Variants in CEP350 observed in about 807,000 individuals in gnomAD.
CEP350 encodes centrosome-associated protein 350.
In CEP350, 126 loss-of-function variants were observed where a neutral mutation model predicts 331.8. The ratio of observed to expected loss-of-function variants is 0.38; its 90% CI spans 0.33 to 0.44. The LOEUF is 0.44. CEP350 is among the 20% of genes least tolerant of loss of function. CEP350 has a pLI of 1.00. For synonymous variants in CEP350, 1,200 were observed against 1,259.5 expected, an observed-to-expected ratio of 0.95 and a Z score of 1.00; for missense variants, 3,406 against 3,634.6, an observed-to-expected ratio of 0.94 and a Z score of 1.62.
chr1:179,957,834 A>G (rs1650289870), intron 1 of CEP350, among the ~76,000 whole-genome samples: 1 of 152,240 alleles, frequency 6.6e-6, no homozygotes, highest in African/African-American at 2.4e-5. Flanking sequence ...TAATTTAAAG[A>G]AAATATAAAC....
At chr1:180,001,568 G>T (rs192743795) in intron 6 of CEP350, among the ~76,000 whole-genome samples, 129 of 152,116 alleles carry the variant, frequency 8.5e-4, no homozygotes, top group Admixed American at 8.4e-3. Context: ...CAAAGAGTAG[G>T]GATAAATTTG....
chr1:179,986,829 C>G (rs1449620481), intron 2 of CEP350, among the ~76,000 whole-genome samples: 1 of 152,092 alleles, frequency 6.6e-6, no homozygotes, highest in African/African-American at 2.4e-5. Context: ...TGGATTTTAC[C>G]TATGTTTTTA....
chr1:180,095,730 C>T lies in CEP350; in HGVS notation c.8719C>T (p.Gln2907Ter). ...AATGGCAGAACCTAAAAGAGTAACC[C>T]AACAACCATGTGAAACATTATTGGC... Reference protein sequence around the residue: ...PLMAEPKRVTQQPCETLLAVP... With the variant: ...PLMAEPKRVT Residue 2907 changes from glutamine (Q) to a stop codon, truncating the protein, a stop_gained, in exon 35 of 38, where the codon CAA (glutamine) becomes TAA (stop). Transcript: ENST00000367607. LOFTEE classifies it high-confidence loss of function. 6.2e-7 allele frequency: 1 copy of T among 1,613,894 alleles called. No individual in the cohort carries two copies. The highest frequency in any genetic ancestry group is 8.5e-7 in the Non-Finnish European group (1 of 1,179,866).
chr1:179,984,296 T>G (rs1346258881), intron 1 of CEP350, among the ~76,000 whole-genome samples: 1 of 152,240 alleles, frequency 6.6e-6, no homozygotes, highest in Non-Finnish European at 1.5e-5. Context: ...ATTTTCTGTA[T>G]GTAAGGAATT....
chr1:180,099,029 T>C, intron 37 of CEP350, 44 bp downstream of exon 37: 1 of 1,575,510 alleles, frequency 6.3e-7, no homozygotes, highest in Non-Finnish European at 8.6e-7. Flanking sequence ...ACCATATCTT[T>C]TAAACTCAGA....
intron 35 of CEP350, 35 bp downstream of exon 35, chr1:180,095,965 A>T: frequency 6.4e-7 from 1 of 1,573,326 alleles, no homozygotes; most frequent in Non-Finnish European, 8.6e-7. Flanking sequence ...TAGTTTTTAA[A>T]CTTTTCTCCC....
At position 180,096,146 on chromosome 1, in the gene CEP350, C is replaced by A. The variant is rs762813412; in HGVS notation, c.9028C>A (p.Arg3010=). 1.1e-4 allele frequency: 171 copies of A among 1,569,248 alleles called. No individual in the cohort carries two copies. The highest frequency in any genetic ancestry group is 1.4e-4 in the Non-Finnish European group (164 of 1,155,200). ...KPCRINSSYF[R]RVKNPNNLDE... Reference sequence around the variant, plus strand: ...ATGTAGAATCAACTCTAGTTATTTCCGACGAGTGAAAAATCCAAATAACCT... The same window carrying A: ...ATGTAGAATCAACTCTAGTTATTTCAGACGAGTGAAAAATCCAAATAACCT... The change falls in exon 36 of 38, where the codon CGA becomes AGA. Residue 3010 remains arginine (R), a synonymous_variant. Coordinates refer to ENST00000367607, the MANE Select transcript of CEP350 (RefSeq NM_014810.5).
Position 180,042,130 on chromosome 1 carries a change from TCTCA to T in CEP350, c.4362+330_4362+333del, listed in dbSNP as rs1384718138. 8.5e-3 allele frequency among the ~76,000 whole-genome samples: 586 copies of T among 69,202 alleles called. 1 individual carries two copies. Among genetic ancestry groups the T allele is most frequent in the South Asian group, 0.038 (75 of 1,958 alleles). 45.4% of individuals were successfully genotyped at this position (69,202 alleles called of 152,430 possible). A position where few individuals can be genotyped will look rare whatever the true frequency, so the allele number is the denominator to read the frequency against. On this transcript the variant is annotated intron_variant, in intron 19 of 37. Transcript: ENST00000367607. Reference sequence around the variant, plus strand: ...TAAGTATGCAATTTGGTGAGTTTTCTCTCACACACACACACACACACACACACAC... The same window carrying T: ...TAAGTATGCAATTTGGTGAGTTTTCTCACACACACACACACACACACACAC...
intron 1 of CEP350, among the ~76,000 whole-genome samples, chr1:179,966,389 T>C (rs1651015503): frequency 6.6e-6 from 1 of 152,174 alleles, no homozygotes; most frequent in African/African-American, 2.4e-5. Flanking sequence ...TTTAGTAAGA[T>C]TTCATCATTT....
rs763706933 is a variant in CEP350 at position 180,093,877 on chromosome 1, A to C, written c.7772A>C (p.Tyr2591Ser). Reference sequence around the variant, plus strand: ...TACTCAGATGAACGATATCAGTGCTATAATCAAGAGCAAAATGATACAGAG... The same window carrying C: ...TACTCAGATGAACGATATCAGTGCTCTAATCAAGAGCAAAATGATACAGAG... ...DCYSDERYQC[Y>S]NQEQNDTEGP... Residue 2591 changes from tyrosine (Y) to serine (S), a missense_variant, in exon 34 of 38, where the codon TAT becomes TCT. Transcript: ENST00000367607. The C allele has an allele frequency of 1.5e-5, 25 of 1,613,910 alleles. No homozygotes were observed. In the South Asian group the frequency reaches 2.2e-4, roughly 14 times the overall value.
At chr1:180,037,577 C>CAAA (rs1310376284) in intron 17 of CEP350, among the ~76,000 whole-genome samples, 1 of 151,716 alleles carries the variant, frequency 6.6e-6, no homozygotes, top group African/African-American at 2.4e-5. Flanking sequence ...ACAACAGCAA[C>CAAA]AAAAAAACCC....
At chr1:180,065,422 A>G in intron 27 of CEP350, 150 bp downstream of exon 27, 1 of 801,126 alleles carries the variant, frequency 1.2e-6, no homozygotes, top group East Asian at 2.9e-5. Context: ...TTAACCTAGA[A>G]GCCAATTAAC....
chr1:180,035,918 C>T (rs1656321825), intron 16 of CEP350, among the ~76,000 whole-genome samples: 1 of 152,196 alleles, frequency 6.6e-6, no homozygotes, highest in Non-Finnish European at 1.5e-5. Flanking sequence ...AGTGATTCCT[C>T]TGCTGATTTG....
chr1:180,011,218 C>T (rs192394418), intron 8 of CEP350, among the ~76,000 whole-genome samples: 13 of 152,236 alleles, frequency 8.5e-5, no homozygotes, highest in Admixed American at 4.6e-4. Context: ...TGGTACATAT[C>T]TGTAAAATAT....
In CEP350 at chr1:180,024,568, A is replaced by G. The variant is rs188945473; in HGVS notation, c.3536A>G (p.Lys1179Arg). ...TCTTCTAAAGGAAAGAAAGGAAAAAAGGAAAAGACAGAATGTAAGTGGAAT... is the reference window on the plus strand; with the variant it reads ...TCTTCTAAAGGAAAGAAAGGAAAAAGGGAAAAGACAGAATGTAAGTGGAAT... Reference protein sequence around the residue: ...STSSKGKKGKKEKTEWLDSFT... With the variant: ...STSSKGKKGKREKTEWLDSFT... Residue 1179 changes from lysine to arginine, a missense_variant, in exon 14 of 38, where the codon AAG becomes AGG. Physicochemically the swap from Lys to Arg is conservative, Grantham distance 26. This residue lies in a region of CEP350 where 1,857 missense variants were observed against 1,909.2 expected (regional missense o/e 0.97). Coordinates refer to ENST00000367607, the MANE Select transcript of CEP350 (RefSeq NM_014810.5). 3.6e-5 allele frequency: 58 copies of G among 1,610,498 alleles called. No individual in the cohort carries two copies. The highest frequency in any genetic ancestry group is 8.5e-7 in the Non-Finnish European group (1 of 1,178,516).
chr1:180,105,773 A>G (rs957197794), intron 37 of CEP350, among the ~76,000 whole-genome samples: 2 of 152,206 alleles, frequency 1.3e-5, no homozygotes, highest in Admixed American at 6.5e-5. Flanking sequence ...TTGTAACATG[A>G]TAAACTATCT....
intron 34 of CEP350, 95 bp from the exon 35 acceptor site, chr1:180,095,428 G>A: frequency 7.5e-7 from 1 of 1,327,890 alleles, no homozygotes; most frequent in African/African-American, 1.5e-5. Context: ...AGAAATATTA[G>A]ATATATAAAT....
rs1275522303 is a variant in CEP350, at chr1:179,992,136, C to T, written c.310C>T (p.Arg104Cys). 12 of 1,546,872 alleles carry T rather than the reference C, an allele frequency of 7.8e-6. No homozygotes were observed. Among genetic ancestry groups the T allele is most frequent in the South Asian group, 3.7e-5 (3 of 80,726 alleles). ...CACTAAATCACGAAAAGAGAAATCT[C>T]GTAGTCCTCTCAGGGCCACCACCCT... ...KSTKSRKEKS[R>C]SPLRATTLES... Residue 104 changes from arginine (R) to cysteine (C), a missense_variant, in exon 5 of 38, where the codon CGT (arginine) becomes TGT (cysteine). Physicochemically the swap from Arg to Cys is radical, Grantham distance 180. Coordinates refer to ENST00000367607, the MANE Select transcript of CEP350 (RefSeq NM_014810.5).
Position 180,112,842 on chromosome 1 carries a change from G to T in CEP350, c.*1681G>T, listed in dbSNP as rs1661525072. 1 of 152,534 alleles carries T rather than the reference G, an allele frequency of 6.6e-6. No individual in the cohort carries two copies. The highest frequency in any genetic ancestry group is 2.1e-4 in the South Asian group (1 of 4,832). The allele number at this position is 152,534 out of a possible 1,614,324, so 9.4% of individuals were successfully genotyped here. On this transcript the variant is annotated 3_prime_UTR_variant, in exon 38 of 38. Transcript: ENST00000367607. ...ACTATGCACACTCCCATTCCTCTTG[G>T]GTTTCATCTTGTCGTTTAAGAAATG...
Sources: gnomAD v4.1 joint callset for allele counts (sites outside exome capture counted in the v4.1 genomes callset) on GRCh38, gnomAD v4.1.1 for gene constraint, gnomAD v4.1.1 regional missense constraint, MANE v1.5 for transcripts, NCBI Gene and HGNC (gene_info 2026-07-23, HGNC 2026-07-21) for gene names.